The following CCDC7 variants were observed in gnomAD, a reference collection of about 807,000 sequenced individuals.
The protein encoded by CCDC7 is coiled-coil domain containing 7, also known as coiled-coil domain-containing protein 7.
In CCDC7, 183 loss-of-function variants were observed where a neutral mutation model predicts 196.9. The ratio of observed to expected loss-of-function variants is 0.93; its 90% confidence interval spans 0.82 to 1.05. The LOEUF (loss-of-function observed/expected upper bound fraction) is 1.05, where lower values mean the gene tolerates loss of function less well. CCDC7 is among the 50% of genes least tolerant of loss of function. The pLI, the probability that CCDC7 is intolerant of heterozygous loss-of-function variation, is 0.00. For synonymous variants in CCDC7, 525 were observed against 484.6 expected, an observed-to-expected ratio of 1.08 and a Z score of -1.10; for missense variants, 1,540 against 1,482.2, an observed-to-expected ratio of 1.04 and a Z score of -0.64.
chr10:32,597,995 A>G (rs1442537887), intron 18 of CCDC7, among the ~76,000 whole-genome samples: 1 of 152,188 alleles, frequency 6.6e-6, no homozygotes, highest in African/African-American at 2.4e-5. Context: ...TCAGATCTCA[A>G]ACTCCATGCT....
intron 20 of CCDC7, among the ~76,000 whole-genome samples, chr10:32,640,061 T>G (rs2066440948): frequency 6.6e-6 from 1 of 152,208 alleles, no homozygotes; most frequent in Non-Finnish European, 1.5e-5. Flanking sequence ...TTAGGTCTTC[T>G]TGGTGCAGAG....
downstream of CCDC7, among the ~76,000 whole-genome samples, chr10:32,878,146 G>A (rs1369243821): frequency 6.6e-6 from 1 of 152,058 alleles, no homozygotes; most frequent in Non-Finnish European, 1.5e-5. Flanking sequence ...CAGTATGGGA[G>A]GTATGACTCA....
chr10:32,483,361 AT>A (rs2040355194), intron 8 of CCDC7, among the ~76,000 whole-genome samples: 1 of 152,110 alleles, frequency 6.6e-6, no homozygotes, highest in East Asian at 1.9e-4. Flanking sequence ...TTTCTTCTAA[AT>A]TTGTTTGAGT....
At chr10:32,582,135 T>TATATAC (rs2058803065) in intron 16 of CCDC7, among the ~76,000 whole-genome samples, 1 of 139,136 alleles carries the variant, frequency 7.2e-6, no homozygotes, top group African/African-American at 2.7e-5. Context: ...TATATATATA[T>TATATAC]ATATACTTTT....
intron 11 of CCDC7, among the ~76,000 whole-genome samples, chr10:32,540,255 AC>A (rs779531509): frequency 1.3e-5 from 2 of 151,904 alleles, no homozygotes; most frequent in Non-Finnish European, 2.9e-5. Flanking sequence ...GCAGAATTGA[AC>A]CCTTTACCAA....
intron 18 of CCDC7, among the ~76,000 whole-genome samples, chr10:32,606,778 C>T (rs890576624): frequency 7.9e-5 from 12 of 152,068 alleles, no homozygotes; most frequent in Non-Finnish European, 7.4e-5. Context: ...TTTGATTTTA[C>T]AGGTTTATAG....
intron 2 of CCDC7, among the ~76,000 whole-genome samples, chr10:32,455,901 AT>A (rs200393692): frequency 0.025 from 3,669 of 147,430 alleles, 95 homozygotes; most frequent in African/African-American, 0.057. Context: ...ACACCAAGAG[AT>A]TTTTTTTTTT....
At chr10:32,670,307 G>C (rs1297104944) in intron 21 of CCDC7, among the ~76,000 whole-genome samples, 2 of 152,046 alleles carry the variant, frequency 1.3e-5, no homozygotes, top group Admixed American at 1.3e-4. Context: ...TTTAAGGGTA[G>C]ATGATTTCGT....
intron 11 of CCDC7, among the ~76,000 whole-genome samples, chr10:32,534,811 T>C (rs545530191): frequency 6.6e-6 from 1 of 152,198 alleles, no homozygotes; most frequent in East Asian, 1.9e-4. Flanking sequence ...AGTTACAGAG[T>C]TTCCAGGGCT....
chr10:32,645,751 A>G (rs1490756765), intron 20 of CCDC7, among the ~76,000 whole-genome samples: 1 of 151,804 alleles, frequency 6.6e-6, no homozygotes, highest in Non-Finnish European at 1.5e-5. Flanking sequence ...CTATTTCTTC[A>G]TGATGCAATC....
At chr10:32,623,842 T>C (rs1187687404) in intron 18 of CCDC7, 2 of 465,842 alleles carry the variant, frequency 4.3e-6, no homozygotes, top group Non-Finnish European at 8.9e-6. Context: ...GAGAGAGTAA[T>C]GGGAGAGGTG....
At chr10:32,818,163 A>G (rs572395350) in intron 31 of CCDC7, among the ~76,000 whole-genome samples, 5 of 152,302 alleles carry the variant, frequency 3.3e-5, no homozygotes, top group Non-Finnish European at 5.9e-5. Context: ...CAAATGGAAA[A>G]CAAAAAAAGG....
chr10:32,709,327 G>T (rs1391523796), intron 24 of CCDC7, among the ~76,000 whole-genome samples: 1 of 116,160 alleles, frequency 8.6e-6, no homozygotes. Context: ...ATCGTGGGTG[G>T]GGGGAGGGGG....
chr10:32,679,717 A>G (rs2075573730), intron 21 of CCDC7, among the ~76,000 whole-genome samples: 1 of 152,086 alleles, frequency 6.6e-6, no homozygotes, highest in African/African-American at 2.4e-5. Context: ...ATCCAGTCCT[A>G]TTTGGGGGGT....
chr10:32,689,267 G>A (rs937220645), intron 23 of CCDC7, 104 bp downstream of exon 24: 1 of 680,648 alleles, frequency 1.5e-6, no homozygotes. Context: ...ACTAAAATGT[G>A]AATACCCTAC....
chr10:32,707,080 T>A (rs1005244170), intron 24 of CCDC7, among the ~76,000 whole-genome samples: 2 of 152,192 alleles, frequency 1.3e-5, no homozygotes, highest in Non-Finnish European at 2.9e-5. Flanking sequence ...AATAAAATAC[T>A]AGCAAACAGA....
At chr10:32,518,624 A>C in intron 11 of CCDC7, 119 bp downstream of exon 12, 1 of 750,290 alleles carries the variant, frequency 1.3e-6, no homozygotes, top group Non-Finnish European at 1.9e-6. Context: ...AATAATTCGT[A>C]GCAGCTATGC....
At chr10:32,452,106 G>A (rs1017103701) in intron 1 of CCDC7, among the ~76,000 whole-genome samples, 185 bp downstream of exon 2, 1 of 152,166 alleles carries the variant, frequency 6.6e-6, no homozygotes, top group Non-Finnish European at 1.5e-5. Context: ...TTTCCCTTTA[G>A]AGTCACCCAG....
chr10:32,796,409 G>C (rs1430311890), intron 29 of CCDC7, among the ~76,000 whole-genome samples: 3 of 152,072 alleles, frequency 2.0e-5, no homozygotes, highest in Non-Finnish European at 4.4e-5. Context: ...AGATAATTCT[G>C]CTACAAACCT....
Sources: gnomAD v4.1 joint callset for allele counts (sites outside exome capture counted in the v4.1 genomes callset) on GRCh38, gnomAD v4.1.1 for gene constraint, MANE v1.5 for transcripts, NCBI Gene and HGNC (gene_info 2026-07-23, HGNC 2026-07-21) for gene names.